The following VWA2 variants were observed in gnomAD, a reference collection of about 807,000 sequenced individuals.
The protein encoded by VWA2 is von Willebrand factor A domain containing 2.
A neutral mutation model predicts 70.4 loss-of-function variants in VWA2; 73 were observed. The ratio of observed to expected loss-of-function variants is 1.04; its 90% confidence interval spans 0.86 to 1.26. The LOEUF (loss-of-function observed/expected upper bound fraction) is 1.26. Among genes scored for constraint, VWA2 ranks in the 50% most tolerant of loss-of-function variants. The pLI, the probability that VWA2 is intolerant of heterozygous loss-of-function variation, is 0.00. For synonymous variants in VWA2, 407 were observed against 423.3 expected, an observed-to-expected ratio of 0.96 and a Z score of 0.47; for missense variants, 1,011 against 998.5, an observed-to-expected ratio of 1.01 and a Z score of -0.17.
At chr10:114,248,385 C>T (rs1426880541) in intron 1 of VWA2, among the ~76,000 whole-genome samples, 1 of 152,188 alleles carries the variant, frequency 6.6e-6, no homozygotes, top group Non-Finnish European at 1.5e-5. Context: ...CAGGCAGAGC[C>T]AACACCCGGG....
chr10:114,281,387 T>C (rs2038102523), intron 8 of VWA2: 1 of 151,996 alleles, frequency 6.6e-6, no homozygotes. Flanking sequence ...GGATTTGGAG[T>C]CATGGTCAGG....
Position 114,293,538 on chromosome 10 carries a change from G to A in VWA2, c.*2301G>A, listed in dbSNP as rs2039794844. Among the ~76,000 whole-genome samples the A allele has an allele frequency of 6.6e-6, 1 of 152,114 alleles. No individual in the cohort carries two copies. The highest frequency in any genetic ancestry group is 2.4e-5 in the African/African-American group (1 of 41,404). On this transcript the variant is annotated 3_prime_UTR_variant, in exon 14 of 14. Coordinates refer to ENST00000392982, the MANE Select transcript of VWA2 (RefSeq NM_001272046.2). ...CCACTAAATAGTTCAGCTTTTGTCA[G>A]TCCCCCAGGAAAGTGCTATCCTATG...
At chr10:114,239,933 C>T (rs530539666) in intron 1 of VWA2, among the ~76,000 whole-genome samples, 2 of 152,112 alleles carry the variant, frequency 1.3e-5, no homozygotes, top group Non-Finnish European at 2.9e-5. Flanking sequence ...CCCAAGCTGC[C>T]CTCCTGGCAC....
chr10:114,280,664 T>G (rs1185397107), intron 8 of VWA2: 2 of 152,212 alleles, frequency 1.3e-5, no homozygotes, highest in Non-Finnish European at 2.9e-5. Flanking sequence ...GACTTGTGGC[T>G]TTATGAGGTC....
Position 114,289,170 on chromosome 10 carries a change from C to T in VWA2, c.1803C>T (p.Ala601=), listed in dbSNP as rs1251066669. 4 of 1,613,578 alleles carry T rather than the reference C, an allele frequency of 2.5e-6. No homozygotes were observed. Among genetic ancestry groups the T allele is most frequent in the East Asian group, 2.2e-5 (1 of 44,870 alleles). Residue 601 remains alanine, a synonymous_variant, in exon 12 of 14, where the codon GCC becomes GCT. Transcript: ENST00000392982. ...RAAMLRAISQ[A]PYLGGVGSAG... The stretch of plus-strand genomic sequence containing the variant: ...CGATGCTGCGGGCCATTAGCCAGGC[C>T]CCCTACCTAGGTGGGGTGGGCTCAG...
chr10:114,247,631 T>C (rs2037101505), intron 1 of VWA2, among the ~76,000 whole-genome samples: 1 of 151,552 alleles, frequency 6.6e-6, no homozygotes, highest in African/African-American at 2.4e-5. Context: ...TCATGGCATG[T>C]GTGTAAACTT....
In VWA2 at chr10:114,290,319, C is replaced by A; in HGVS notation, c.2202C>A (p.Tyr734Ter). ...GCTGCGTCCTGCAGAATGGGAGCTA[C>A]CGCTGCAAGTGTCGGGATGGCTGGG... is the stretch of plus-strand genomic sequence containing the variant. Reference protein sequence around the residue: ...EGSCVLQNGSYRCKCRDGWEG... With the variant: ...EGSCVLQNGS The change falls in exon 13 of 14, where the codon TAC (tyrosine) becomes TAA (stop). Residue 734 changes from tyrosine to a stop codon, truncating the protein, a stop_gained. Transcript: ENST00000392982. LOFTEE classifies it high-confidence loss of function. 1.3e-6 allele frequency: 2 copies of A among 1,550,604 alleles called. No individual in the cohort carries two copies. The highest frequency in any genetic ancestry group is 2.7e-5 in the African/African-American group (2 of 73,162).
chr10:114,261,040 T>C (rs569082385), intron 4 of VWA2, 146 bp from the exon 5 acceptor site: 1 of 611,952 alleles, frequency 1.6e-6, no homozygotes, highest in East Asian at 2.8e-5. Flanking sequence ...GGAACCTCCT[T>C]CTAGGGAGAC....
chr10:114,256,824 C>T (rs556275700), intron 4 of VWA2, among the ~76,000 whole-genome samples: 6 of 149,942 alleles, frequency 4.0e-5, no homozygotes, highest in East Asian at 4.0e-4. Flanking sequence ...GCAGGAAAAT[C>T]GCTTGAACCC....
chr10:114,251,644 A>G (rs1017851644), intron 2 of VWA2, among the ~76,000 whole-genome samples: 18 of 152,102 alleles, frequency 1.2e-4, no homozygotes, highest in African/African-American at 4.3e-4. Context: ...GTGTTTACGC[A>G]GAGGGCTGGG....
chr10:114,272,932 C>T lies in VWA2; in HGVS notation c.564C>T (p.Pro188=), dbSNP rs1481676181. 1.2e-6 allele frequency: 2 copies of T among 1,608,460 alleles called. No individual in the cohort carries two copies. The highest frequency in any genetic ancestry group is 1.7e-6 in the Non-Finnish European group (2 of 1,177,138). The change falls in exon 6 of 14, where the codon CCC becomes CCT. Residue 188 remains proline, a splice_region_variant and synonymous_variant. Transcript: ENST00000392982. The stretch of plus-strand genomic sequence containing the variant: ...TGTTTGCTGTGGGGGTCAGGTTTCC[C>T]AGGTAAGAGCCTCAGTCACCCTGGA... ...VTVFAVGVRF[P]RWEELHALAS...
Position 114,290,334 on chromosome 10 carries a change from G to T in VWA2, c.2217G>T (p.Arg739=). The T allele has an allele frequency of 6.4e-7, 1 of 1,550,620 alleles. No homozygotes were observed. Among genetic ancestry groups the T allele is most frequent in the Non-Finnish European group, 8.7e-7 (1 of 1,146,986 alleles). The change falls in exon 13 of 14, where the codon CGG becomes CGT. Residue 739 remains arginine (R), a synonymous_variant. Coordinates refer to ENST00000392982, the MANE Select transcript of VWA2 (RefSeq NM_001272046.2). Reference sequence around the variant, plus strand: ...ATGGGAGCTACCGCTGCAAGTGTCGGGATGGCTGGGAGGGCCCCCACTGCG... The same window carrying T: ...ATGGGAGCTACCGCTGCAAGTGTCGTGATGGCTGGGAGGGCCCCCACTGCG... The part of the protein sequence containing the change: ...LQNGSYRCKC[R]DGWEGPHCEN...
chr10:114,261,443 T>C (rs2037443531), intron 5 of VWA2, 148 bp downstream of exon 5: 1 of 557,620 alleles, frequency 1.8e-6, no homozygotes, highest in Admixed American at 3.1e-5. Flanking sequence ...GTCACATGAA[T>C]TCCATTCTCA....
At chr10:114,246,526 C>CAAAAAAAAAAAAAAAAAAA in intron 1 of VWA2, 1 of 377,670 alleles carries the variant, frequency 2.6e-6, no homozygotes. Context: ...AAAAAAAAAA[C>CAAAAAAAAAAAAAAAAAAA]GAGTATCATG....
Position 114,277,801 on chromosome 10 carries a change from A to G in VWA2, c.567-113A>G. 2.9e-6 allele frequency: 4 copies of G among 1,359,736 alleles called. No individual in the cohort carries two copies. In the South Asian group the frequency reaches 5.3e-5, roughly 18 times the overall value. The allele number at this position is 1,359,736 out of a possible 1,614,324, so 84.2% of individuals were successfully genotyped here. The stretch of plus-strand genomic sequence containing the variant: ...TTCCTCACCAGCTATGGGTCTGACA[A>G]AACCAGACACTAAATCTGTGCTGCC... On this transcript the variant is annotated intron_variant, in intron 6 of 13. Coordinates refer to ENST00000392982, the MANE Select transcript of VWA2 (RefSeq NM_001272046.2).
At chr10:114,246,283 C>T (rs2037065737) in intron 1 of VWA2, 1 of 653,194 alleles carries the variant, frequency 1.5e-6, no homozygotes, top group African/African-American at 1.8e-5. Flanking sequence ...GTCGTATCAC[C>T]TGAGGTCAGG....
intron 4 of VWA2, among the ~76,000 whole-genome samples, chr10:114,259,099 C>T (rs967017937): frequency 4.6e-5 from 7 of 152,064 alleles, no homozygotes; most frequent in African/African-American, 1.7e-4. Flanking sequence ...TTTTAATTTT[C>T]AATAAATATT....
chr10:114,246,591 A>G, intron 1 of VWA2: 1 of 1,330,374 alleles, frequency 7.5e-7, no homozygotes, highest in Admixed American at 1.7e-5. Flanking sequence ...TCATTTTAAG[A>G]CTGTTGAAGC....
chr10:114,255,115 T>C, intron 4 of VWA2, 67 bp downstream of exon 4: 2 of 1,584,162 alleles, frequency 1.3e-6, no homozygotes, highest in Non-Finnish European at 1.7e-6. Context: ...AAACCCGGTC[T>C]CAAGCAGAGG....
Sources: allele counts gnomAD v4.1 joint callset (sites outside exome capture counted in the v4.1 genomes callset), GRCh38; gene constraint gnomAD v4.1.1; transcripts MANE v1.5; gene names NCBI Gene and HGNC (gene_info 2026-07-23, HGNC 2026-07-21).